The following ADGRG7 variants were observed in gnomAD, a reference collection of about 807,000 sequenced individuals.
The protein encoded by ADGRG7 is adhesion G protein-coupled receptor G7.
ADGRG7 carries 82 observed loss-of-function variants against 88.6 expected under a neutral mutation model. The ratio of observed to expected loss-of-function variants is 0.93; its 90% CI spans 0.77 to 1.11. ADGRG7 has a LOEUF of 1.11. Ranked by LOEUF, ADGRG7 falls within the 50% of genes most tolerant of loss-of-function variation. The pLI is 0.00. For missense variants in ADGRG7, 945 were observed against 953.4 expected (o/e 0.99, Z 0.12); for synonymous variants, 381 against 345.2 (o/e 1.10, Z -1.15).
intron 14 of ADGRG7, among the ~76,000 whole-genome samples, chr3:100,662,476 T>C (rs1383427303): frequency 1.3e-5 from 2 of 152,172 alleles, no homozygotes; most frequent in Non-Finnish European, 2.9e-5. Flanking sequence ...TTTTTGCTAA[T>C]ATAATAGCAT....
rs115104802 is a variant in ADGRG7, at chr3:100,652,340, C to T, written c.1380-2495C>T. ...AAACATCGTAAAAACATAAAGAATA[C>T]ATAATGGGCAAATAGACTTCATCAA... On this transcript the variant is annotated intron_variant, in intron 11 of 15. Transcript: ENST00000273352. Among the ~76,000 whole-genome samples the T allele has an allele frequency of 3.5e-3, 529 of 152,156 alleles. 5 individuals carry two copies. The highest frequency in any genetic ancestry group is 5.1e-3 in the Non-Finnish European group (350 of 67,988).
At chr3:100,680,616 C>T (rs1418948481) in intron 15 of ADGRG7, among the ~76,000 whole-genome samples, 1 of 151,960 alleles carries the variant, frequency 6.6e-6, no homozygotes, top group Non-Finnish European at 1.5e-5. Context: ...AGCAATACTT[C>T]TTTGCGTTTT....
chr3:100,630,871 C>A, intron 3 of ADGRG7, 62 bp downstream of exon 3: 1 of 868,998 alleles, frequency 1.2e-6, no homozygotes, highest in South Asian at 2.5e-5. Context: ...TCATACCTCT[C>A]ATACCTCCTA....
intron 15 of ADGRG7, among the ~76,000 whole-genome samples, chr3:100,670,358 T>G (rs2094956888): frequency 6.6e-6 from 1 of 152,230 alleles, no homozygotes; most frequent in African/African-American, 2.4e-5. Flanking sequence ...TTTTAATGGC[T>G]GAATAGTACT....
At chr3:100,674,579 C>CTT (rs34582443) in intron 15 of ADGRG7, among the ~76,000 whole-genome samples, 165 of 128,788 alleles carry the variant, frequency 1.3e-3, no homozygotes, top group African/African-American at 4.3e-3. Context: ...TTCTTAATTC[C>CTT]TTTTTTTTTT....
intron 15 of ADGRG7, among the ~76,000 whole-genome samples, chr3:100,694,056 A>T (rs1324399796): frequency 1.3e-5 from 2 of 152,232 alleles, no homozygotes; most frequent in Non-Finnish European, 2.9e-5. Flanking sequence ...TACTTAGTTT[A>T]TCTGAACTTT....
intron 3 of ADGRG7, among the ~76,000 whole-genome samples, chr3:100,632,171 T>C (rs1345013122): frequency 6.6e-6 from 1 of 152,172 alleles, no homozygotes; most frequent in Admixed American, 6.6e-5. Flanking sequence ...AAAGTGTCAG[T>C]AACATACCCA....
chr3:100,641,620 A>G (rs1576321084), intron 6 of ADGRG7, among the ~76,000 whole-genome samples: 1 of 152,270 alleles, frequency 6.6e-6, no homozygotes, highest in Non-Finnish European at 1.5e-5. Flanking sequence ...CACGTGATTC[A>G]GTCTCCAGGG....
In ADGRG7 at chr3:100,684,280, T is replaced by TTTATTTATTTATTTA. The variant is rs879903086; in HGVS notation, c.2137-10463_2137-10462insTATTTATTTATTTAT. Among the ~76,000 whole-genome samples the TTTATTTATTTATTTA allele has an allele frequency of 1.4e-3, 204 of 151,030 alleles. 2 individuals are homozygous for TTTATTTATTTATTTA. Among genetic ancestry groups the TTTATTTATTTATTTA allele is most frequent in the Non-Finnish European group, 2.4e-3 (160 of 67,422 alleles). The stretch of plus-strand genomic sequence containing the variant: ...ATCTATTTATTTATTTATTTATTTA[T>TTTATTTATTTATTTA]TGAGACAGGGTCTTTCTCTGTCACC... On this transcript the variant is annotated intron_variant, in intron 15 of 15. Coordinates refer to ENST00000273352, the MANE Select transcript of ADGRG7 (RefSeq NM_032787.3).
At chr3:100,643,440 A>C (rs183730793) in intron 7 of ADGRG7, 35 bp downstream of exon 7, 85 of 1,612,868 alleles carry the variant, frequency 5.3e-5, no homozygotes, top group Non-Finnish European at 7.0e-5. Flanking sequence ...GTAACAGCAA[A>C]GAGCATTCTG....
intron 15 of ADGRG7, among the ~76,000 whole-genome samples, chr3:100,688,740 G>C (rs1559694088): frequency 6.6e-6 from 1 of 152,194 alleles, no homozygotes; most frequent in Non-Finnish European, 1.5e-5. Flanking sequence ...TGGTCTGACA[G>C]ACAGTTTGTT....
chr3:100,610,346 A>G (rs956651316), intron 1 of ADGRG7, among the ~76,000 whole-genome samples: 2 of 152,234 alleles, frequency 1.3e-5, no homozygotes, highest in African/African-American at 4.8e-5. Context: ...CATCAAACAC[A>G]TACACACACA....
intron 11 of ADGRG7, among the ~76,000 whole-genome samples, chr3:100,653,283 A>G (rs1160737658): frequency 6.6e-6 from 1 of 152,236 alleles, no homozygotes; most frequent in Non-Finnish European, 1.5e-5. Flanking sequence ...TCATTCTTTA[A>G]ACGTAAAGTA....
chr3:100,695,053 T>C lies in ADGRG7; in HGVS notation c.*52T>C, dbSNP rs1203294828. On this transcript the variant is annotated 3_prime_UTR_variant, in exon 16 of 16. Transcript: ENST00000273352. ...TTTTAATCACCTCGTTTGAGTTTTA[T>C]CTGTTTCTCTCCTTTATTTCCCAGT... is the stretch of plus-strand genomic sequence containing the variant. 1.3e-6 allele frequency: 2 copies of C among 1,556,970 alleles called. No individual in the cohort carries two copies. Among genetic ancestry groups the C allele is most frequent in the Non-Finnish European group, 1.7e-6 (2 of 1,143,320 alleles).
At chr3:100,676,726 G>C (rs551497080) in intron 15 of ADGRG7, among the ~76,000 whole-genome samples, 9 of 151,926 alleles carry the variant, frequency 5.9e-5, no homozygotes, top group African/African-American at 2.2e-4. Context: ...TGTCGTATTA[G>C]GGTATATATC....
Position 100,687,616 on chromosome 3 carries a change from C to T in ADGRG7, c.2137-7128C>T, listed in dbSNP as rs192225575. 3.4e-3 allele frequency among the ~76,000 whole-genome samples: 517 copies of T among 152,248 alleles called. 5 individuals are homozygous for T. Among genetic ancestry groups the T allele is most frequent in the Non-Finnish European group, 5.0e-3 (340 of 68,008 alleles). ...TGTTGAATTTTGTCAAAGGCCTTTT[C>T]TGCATCTATTGAGATAATCATGTGG... On this transcript the variant is annotated intron_variant, in intron 15 of 15. Transcript: ENST00000273352.
chr3:100,678,994 T>C (rs2094969323), intron 15 of ADGRG7, among the ~76,000 whole-genome samples: 1 of 152,168 alleles, frequency 6.6e-6, no homozygotes, highest in African/African-American at 2.4e-5. Flanking sequence ...TCAACAGCTC[T>C]ACAATTAGCA....
intron 2 of ADGRG7, 149 bp from the exon 3 acceptor site, chr3:100,630,556 G>T: frequency 5.3e-6 from 2 of 379,276 alleles, no homozygotes; most frequent in Non-Finnish European, 9.3e-6. Flanking sequence ...AGATAGCAAA[G>T]TATAGAAGTT....
At chr3:100,686,729 G>T (rs1009504416) in intron 15 of ADGRG7, among the ~76,000 whole-genome samples, 1 of 152,090 alleles carries the variant, frequency 6.6e-6, no homozygotes, top group Non-Finnish European at 1.5e-5. Flanking sequence ...TGTTCCAATG[G>T]TCTATATCTC....
Sources: allele counts gnomAD v4.1 joint callset (sites outside exome capture counted in the v4.1 genomes callset), GRCh38; gene constraint gnomAD v4.1.1; transcripts MANE v1.5; gene names NCBI Gene and HGNC (gene_info 2026-07-23, HGNC 2026-07-21).